Variants in HYDIN observed in about 807,000 individuals in gnomAD.
HYDIN encodes the protein HYDIN axonemal central pair apparatus protein.
Under a neutral mutation model 403.9 loss-of-function variants are expected in HYDIN, and 132 were observed. The observed-to-expected ratio is 0.33, with a 90% CI of 0.28 to 0.38. The LOEUF is 0.38. HYDIN is among the 10% of genes least tolerant of loss of function. HYDIN has a pLI of 1.00. For synonymous variants in HYDIN, 1,202 were observed against 1,891.7 expected (o/e 0.64, Z 9.46); for missense variants, 2,827 against 5,009.5 (o/e 0.56, Z 13.15).
chr16:70,993,005 A>C lies in HYDIN; in HGVS notation c.3645-795T>G, dbSNP rs538829164. ...ATCTCAAGCCCTTGATGTTAATTTC[A>C]ATCTATTTCACTTATATACTCATTC... On this transcript the variant is annotated intron_variant, in intron 23 of 85. Coordinates refer to ENST00000393567, the MANE Select transcript of HYDIN (RefSeq NM_001270974.2). Among the ~76,000 whole-genome samples the C allele has an allele frequency of 2.0e-5, 3 of 151,982 alleles. No individual in the cohort carries two copies. In the East Asian group the frequency reaches 5.8e-4, roughly 30 times the overall value.
At chr16:70,842,260 T>A (rs1274019710) in intron 75 of HYDIN, among the ~76,000 whole-genome samples, 1 of 152,148 alleles carries the variant, frequency 6.6e-6, no homozygotes, top group Non-Finnish European at 1.5e-5. Context: ...TCTGTCTAGT[T>A]ATATCTATTG....
intron 1 of HYDIN, among the ~76,000 whole-genome samples, chr16:71,198,544 C>T (rs893641488): frequency 2.3e-4 from 35 of 152,150 alleles, no homozygotes; most frequent in African/African-American, 8.2e-4. Context: ...ACTGTCTGGG[C>T]TCTGTTCTAC....
rs772769716 is a variant in HYDIN at position 71,129,660 on chromosome 16, C to T, written c.1207G>A (p.Val403Ile). Reference protein sequence around the residue: ...QGDSKLFFNNVFTVEPLEGDV... With the variant: ...QGDSKLFFNNIFTVEPLEGDV... ...CTCACCAGGGGCTCCACAGTGAAAA[C>T]GTTATTGAAGAACAGCTTGCTGTCT... The change falls in exon 9 of 86, where the codon GTT (valine) becomes ATT (isoleucine). Residue 403 changes from valine to isoleucine, a missense_variant. By Grantham distance (29) the Val-to-Ile change is conservative (BLOSUM62 3). Coordinates refer to ENST00000393567, the MANE Select transcript of HYDIN (RefSeq NM_001270974.2). The T allele has an allele frequency of 1.1e-5, 17 of 1,613,876 alleles. No homozygotes were observed. Among genetic ancestry groups the T allele is most frequent in the Admixed American group, 1.7e-5 (1 of 59,992 alleles).
intron 1 of HYDIN, among the ~76,000 whole-genome samples, chr16:71,192,211 A>G (rs983521740): frequency 5.3e-5 from 8 of 151,854 alleles, no homozygotes; most frequent in Admixed American, 3.3e-4. Context: ...TTGTGACTCT[A>G]CCTCCTTAGT....
intron 18 of HYDIN, among the ~76,000 whole-genome samples, chr16:71,040,347 G>A (rs1408788939): frequency 6.8e-6 from 1 of 147,430 alleles, no homozygotes; most frequent in Non-Finnish European, 1.5e-5. Context: ...TTATCTTTCA[G>A]TGATCTGATC....
chr16:70,989,210 C>T (rs566944452), intron 25 of HYDIN, among the ~76,000 whole-genome samples: 2 of 152,208 alleles, frequency 1.3e-5, no homozygotes, highest in East Asian at 1.9e-4. Context: ...GGACTGCAGG[C>T]GTGCACCACC....
At chr16:71,071,733 T>C (rs10775315) in intron 13 of HYDIN, among the ~76,000 whole-genome samples, 3 of 152,204 alleles carry the variant, frequency 2.0e-5, no homozygotes, top group African/African-American at 7.2e-5. Flanking sequence ...AAAAATTACA[T>C]TTCTTTAAAA....
chr16:71,173,758 C>A (rs934500140), intron 5 of HYDIN, among the ~76,000 whole-genome samples: 26 of 152,140 alleles, frequency 1.7e-4, no homozygotes, highest in African/African-American at 5.8e-4. Context: ...ATGAATTCAG[C>A]CACATAATCC....
intron 9 of HYDIN, among the ~76,000 whole-genome samples, chr16:71,120,669 C>T (rs2084222841): frequency 6.6e-6 from 1 of 152,008 alleles, no homozygotes; most frequent in Admixed American, 6.6e-5. Flanking sequence ...TCCTTCCCCT[C>T]TATTACCCCT....
intron 1 of HYDIN, among the ~76,000 whole-genome samples, chr16:71,193,700 A>T (rs2087548939): frequency 6.6e-6 from 1 of 152,200 alleles, no homozygotes; most frequent in African/African-American, 2.4e-5. Flanking sequence ...TATATTATTA[A>T]ATTAGTGAAT....
chr16:70,837,659 C>T (rs1597086120), intron 77 of HYDIN, 31 bp downstream of exon 77: 2 of 1,613,036 alleles, frequency 1.2e-6, no homozygotes. Context: ...AGGAGGGTGC[C>T]ACGCCTGAAG....
At chr16:71,194,003 T>C (rs548096338) in intron 1 of HYDIN, among the ~76,000 whole-genome samples, 1 of 152,374 alleles carries the variant, frequency 6.6e-6, no homozygotes, top group African/African-American at 2.4e-5. Flanking sequence ...CAAAGAACTT[T>C]AATGTCAAAC....
chr16:71,176,734 TG>T (rs1158965671), intron 4 of HYDIN, among the ~76,000 whole-genome samples: 1 of 152,230 alleles, frequency 6.6e-6, no homozygotes, highest in Admixed American at 6.5e-5. Flanking sequence ...TGCTGGAATC[TG>T]AACCCAGATT....
At chr16:70,837,647 A>G in intron 77 of HYDIN, 43 bp downstream of exon 77, 1 of 1,611,662 alleles carries the variant, frequency 6.2e-7, no homozygotes, top group Non-Finnish European at 8.5e-7. Flanking sequence ...AGAAGGGTAG[A>G]AAGGAGGGTG....
At position 70,872,452 on chromosome 16, in the gene HYDIN, C is replaced by T. The variant is rs181391321; in HGVS notation, c.10949-273G>A. Among the ~76,000 whole-genome samples the T allele has an allele frequency of 1.7e-4, 25 of 150,258 alleles. No homozygotes were observed. In the East Asian group the frequency reaches 3.5e-3, roughly 21 times the overall value. Reference sequence around the variant, plus strand: ...ATCATCTACCCATCCATCATCTATCCATCCATCCCTCTCATCCATCCATTA... The same window carrying T: ...ATCATCTACCCATCCATCATCTATCTATCCATCCCTCTCATCCATCCATTA... On this transcript the variant is annotated intron_variant, in intron 64 of 85. Transcript: ENST00000393567.
At chr16:71,226,855 T>C (rs1045243740) in intron 1 of HYDIN, among the ~76,000 whole-genome samples, 2 of 152,200 alleles carry the variant, frequency 1.3e-5, no homozygotes, top group Non-Finnish European at 2.9e-5. Context: ...ATTCCTGTTT[T>C]CTACATTCTT....
chr16:71,194,312 G>C (rs1169007372), intron 1 of HYDIN, among the ~76,000 whole-genome samples: 3 of 152,192 alleles, frequency 2.0e-5, no homozygotes, highest in African/African-American at 7.2e-5. Context: ...TCAGGGGGCT[G>C]AGGCAGGAGA....
chr16:70,853,661 A>C (rs1225938179), intron 73 of HYDIN, among the ~76,000 whole-genome samples: 1 of 142,994 alleles, frequency 7.0e-6, no homozygotes. Flanking sequence ...GACACAGAGG[A>C]AAGTATTGGA....
chr16:71,225,241 T>C (rs1567475606), intron 1 of HYDIN, among the ~76,000 whole-genome samples: 2 of 152,078 alleles, frequency 1.3e-5, no homozygotes, highest in African/African-American at 2.4e-5. Flanking sequence ...CAGTTGCAGG[T>C]TTTTCGTAGC....
Sources: gnomAD v4.1 joint callset for allele counts (sites outside exome capture counted in the v4.1 genomes callset) on GRCh38, gnomAD v4.1.1 for gene constraint, MANE v1.5 for transcripts, NCBI Gene and HGNC (gene_info 2026-07-23, HGNC 2026-07-21) for gene names.